Variants in SLITRK3 observed in about 807,000 individuals in gnomAD.
SLITRK3 encodes SLIT and NTRK like family member 3.
In SLITRK3, 16 loss-of-function variants were observed where a neutral mutation model predicts 63.6. The ratio of observed to expected loss-of-function variants is 0.25; its 90% CI spans 0.17 to 0.38. The LOEUF (loss-of-function observed/expected upper bound fraction) is 0.38, where lower values mean the gene tolerates loss of function less well. Among genes scored for constraint, SLITRK3 ranks in the 10% least tolerant of loss-of-function variants. SLITRK3 has a pLI of 1.00. For missense variants in SLITRK3, 1,117 were observed against 1,181.4 expected (o/e 0.95, Z 0.80); for synonymous variants, 547 against 451.6 (o/e 1.21, Z -2.68).
In SLITRK3 at chr3:165,192,995, G is replaced by A. The variant is rs144198901; in HGVS notation, c.-21-2144C>T. ...GCTCCGGCTTTAAAAATATATATGTGCTATAACCCTGAACCCAGCATTCCA... is the reference window on the plus strand; with the variant it reads ...GCTCCGGCTTTAAAAATATATATGTACTATAACCCTGAACCCAGCATTCCA... On this transcript the variant is annotated intron_variant, in intron 1 of 1. Transcript: ENST00000475390. Among the ~76,000 whole-genome samples, 538 of 152,174 alleles carry A rather than the reference G, an allele frequency of 3.5e-3. 8 individuals carry two copies. Among genetic ancestry groups the A allele is most frequent in the African/African-American group, 0.012 (518 of 41,506 alleles).
chr3:165,189,758 G>A lies in SLITRK3; in HGVS notation c.1073C>T (p.Pro358Leu). The change falls in exon 2 of 2, where the codon CCT becomes CTT. Residue 358 changes from proline to leucine, a missense_variant. Around this residue, in one of 4 missense-constraint regions of SLITRK3, gnomAD observed 452 missense variants for 495.3 expected, o/e 0.91. Transcript: ENST00000475390. This position sits in a 1 kb window ranked among gnomAD's most constrained non-coding sequence, Gnocchi z 4.0. The stretch of plus-strand genomic sequence containing the variant: ...TCTGGTCTGATAAGGAGCAATGGGA[G>A]GCTGGTTTGGACCAGGATATAAAGC... ...SQALYPGPNQ[P>L]PIAPYQTRPP... The A allele has an allele frequency of 6.2e-7, 1 of 1,614,192 alleles. No individual in the cohort carries two copies. Among genetic ancestry groups the A allele is most frequent in the Non-Finnish European group, 8.5e-7 (1 of 1,180,046 alleles).
chr3:165,191,950 C>T (rs1718244618), intron 1 of SLITRK3, among the ~76,000 whole-genome samples: 1 of 152,204 alleles, frequency 6.6e-6, no homozygotes, highest in Non-Finnish European at 1.5e-5. Flanking sequence ...AACAGTCTTT[C>T]TCTATGCATC....
intron 1 of SLITRK3, among the ~76,000 whole-genome samples, chr3:165,192,855 G>C (rs1176412475): frequency 1.3e-5 from 2 of 152,128 alleles, no homozygotes; most frequent in Non-Finnish European, 2.9e-5. Context: ...CTGCCGCCGC[G>C]GTGGCTGCTC....
Position 165,188,486 on chromosome 3 carries a change from G to A in SLITRK3, c.2345C>T (p.Thr782Ile). 1 of 1,613,892 alleles carries A rather than the reference G, an allele frequency of 6.2e-7. No individual in the cohort carries two copies. Among genetic ancestry groups the A allele is most frequent in the Non-Finnish European group, 8.5e-7 (1 of 1,179,944 alleles). The change falls in exon 2 of 2, where the codon ACA becomes ATA. Residue 782 changes from threonine to isoleucine, a missense_variant. Thr to Ile is a moderately conservative substitution (Grantham distance 89). Coordinates refer to ENST00000475390, the MANE Select transcript of SLITRK3 (RefSeq NM_001318810.2). ...AGCCTCACCCATTCCCGGTGGTTGT[G>A]TCCCTGGACCCCCACGTTCTGCACT... ...AGSAERGGPG[T>I]QPPGMGEALL...
rs769731505 is a variant in SLITRK3, at chr3:165,188,848, C to A, written c.1983G>T (p.Leu661=). The A allele has an allele frequency of 6.2e-7, 1 of 1,614,146 alleles. No individual in the cohort carries two copies. The highest frequency in any genetic ancestry group is 8.5e-7 in the Non-Finnish European group (1 of 1,180,020). Residue 661 remains leucine, a synonymous_variant, in exon 2 of 2, where the codon CTG becomes CTT. Coordinates refer to ENST00000475390, the MANE Select transcript of SLITRK3 (RefSeq NM_001318810.2). ...CAAAGACTGCTGAGAAAAACAGAAC[C>A]AGCAGGCTGAGAATTAACACAGAAA... ...VPLSVLILSL[L]VLFFSAVFVA... is the part of the protein sequence containing the mutation.
In SLITRK3 at chr3:165,188,133, C is replaced by A; in HGVS notation, c.2698G>T (p.Val900Leu). 23 of 1,613,424 alleles carry A rather than the reference C, an allele frequency of 1.4e-5. No individual in the cohort carries two copies. Among genetic ancestry groups the A allele is most frequent in the Non-Finnish European group, 1.6e-5 (19 of 1,179,772 alleles). The change falls in exon 2 of 2, where the codon GTG becomes TTG. Residue 900 changes from valine to leucine, a missense_variant. Val to Leu is a conservative substitution (Grantham distance 32, BLOSUM62 1). This residue lies in a region of SLITRK3 where 499 missense variants were observed against 463.6 expected (regional missense o/e 1.08). Coordinates refer to ENST00000475390, the MANE Select transcript of SLITRK3 (RefSeq NM_001318810.2). ...PQPAPCTVGF[V>L]DCLYGTVPKL... Reference sequence around the variant, plus strand: ...GGCACTGTTCCATAGAGACAGTCCACAAATCCCACTGTGCAGGGGGCAGGC... The same window carrying A: ...GGCACTGTTCCATAGAGACAGTCCAAAAATCCCACTGTGCAGGGGGCAGGC...
At chr3:165,191,578 G>A (rs1560055374) in intron 1 of SLITRK3, among the ~76,000 whole-genome samples, 1 of 152,086 alleles carries the variant, frequency 6.6e-6, no homozygotes, top group Non-Finnish European at 1.5e-5. Flanking sequence ...GTATATATTT[G>A]TATCATTTGA....
upstream of SLITRK3, chr3:165,196,925 CTCCT>C (rs1234179343): frequency 2.9e-5 from 4 of 136,214 alleles, no homozygotes; most frequent in African/African-American, 1.0e-4. Flanking sequence ...CTCTCTCTCT[CTCCT>C]CTCTCTGTCT....
upstream of SLITRK3, among the ~76,000 whole-genome samples, chr3:165,196,439 G>A (rs1718419265): frequency 6.6e-6 from 1 of 150,454 alleles, no homozygotes; most frequent in South Asian, 2.2e-4. Context: ...GTGCGGGGGA[G>A]GGGGGTGGGA....
rs1717986790 is a variant in SLITRK3 at position 165,187,234 on chromosome 3, G to GTA, written c.*662_*663insTA. 1 of 155,236 alleles carries GTA rather than the reference G, an allele frequency of 6.4e-6. No individual in the cohort carries two copies. Among genetic ancestry groups the GTA allele is most frequent in the Non-Finnish European group, 1.4e-5 (1 of 70,722 alleles). The allele number at this position is 155,236 out of a possible 1,614,324, so 9.6% of individuals were successfully genotyped here. On this transcript the variant is annotated 3_prime_UTR_variant, in exon 2 of 2. Transcript: ENST00000475390. ...GGAGTGTGTGTGTGTGTGTGTGTGTGTGTGTGTGTGTGTGTGTGTACCTGC... is the reference window on the plus strand; with the variant it reads ...GGAGTGTGTGTGTGTGTGTGTGTGTGTATGTGTGTGTGTGTGTGTGTACCTGC...
At position 165,189,235 on chromosome 3, in the gene SLITRK3, G is replaced by T. The variant is rs1246809988; in HGVS notation, c.1596C>A (p.Leu532=). 2.5e-6 allele frequency: 4 copies of T among 1,614,068 alleles called. No homozygotes were observed. In the African/African-American group the frequency reaches 4.0e-5, roughly 16 times the overall value. Residue 532 remains leucine (L), a synonymous_variant, in exon 2 of 2, where the codon CTC becomes CTA. Coordinates refer to ENST00000475390, the MANE Select transcript of SLITRK3 (RefSeq NM_001318810.2). This position sits in a 1 kb window ranked among gnomAD's most constrained non-coding sequence, Gnocchi z 4.0. The part of the protein sequence containing the change: ...DAFAGTSLAR[L]NLRKNYFLYL... ...AGAGGAAGTAGTTCTTCCTCAGGTTGAGCCGGGCCAGGGATGTGCCAGCAA... is the reference window on the plus strand; with the variant it reads ...AGAGGAAGTAGTTCTTCCTCAGGTTTAGCCGGGCCAGGGATGTGCCAGCAA...
Position 165,190,248 on chromosome 3 carries a change from C to G in SLITRK3, c.583G>C (p.Ala195Pro), listed in dbSNP as rs372187907. ...IPMLPTNLFKAVSLTHLDLRG... is the reference protein window; with the variant it reads ...IPMLPTNLFKPVSLTHLDLRG... Reference sequence around the variant, plus strand: ...AGGTCCAAATGGGTTAAAGAGACAGCCTTAAATAAATTGGTTGGAAGCATG... The same window carrying G: ...AGGTCCAAATGGGTTAAAGAGACAGGCTTAAATAAATTGGTTGGAAGCATG... Residue 195 changes from alanine to proline, a missense_variant, in exon 2 of 2, where the codon GCT becomes CCT. Around this residue, in one of 4 missense-constraint regions of SLITRK3, gnomAD observed 452 missense variants for 495.3 expected, o/e 0.91. Transcript: ENST00000475390. 3.7e-6 allele frequency: 6 copies of G among 1,613,990 alleles called. No individual in the cohort carries two copies. Among genetic ancestry groups the G allele is most frequent in the Non-Finnish European group, 5.1e-6 (6 of 1,180,024 alleles).
intron 1 of SLITRK3, 35 bp from the exon 2 acceptor site, chr3:165,190,886 T>C: frequency 6.9e-7 from 1 of 1,459,358 alleles, no homozygotes; most frequent in Non-Finnish European, 9.2e-7. Flanking sequence ...TTTTTAGCTT[T>C]TAGTCATATG....
In SLITRK3 at chr3:165,190,346, T is replaced by C; in HGVS notation, c.485A>G (p.Lys162Arg). 6.2e-7 allele frequency: 1 copy of C among 1,614,152 alleles called. No individual in the cohort carries two copies. The highest frequency in any genetic ancestry group is 8.5e-7 in the Non-Finnish European group (1 of 1,180,022). Residue 162 changes from lysine (K) to arginine (R), a missense_variant, in exon 2 of 2, where the codon AAA becomes AGA. This residue lies in a region of SLITRK3 where 452 missense variants were observed against 495.3 expected (regional missense o/e 0.91). Transcript: ENST00000475390. Reference sequence around the variant, plus strand: ...CCGAAATGCCCCACTCTCAATACGTTTAATGACATTGTAATCTGCCTGCAG... The same window carrying C: ...CCGAAATGCCCCACTCTCAATACGTCTAATGACATTGTAATCTGCCTGCAG... Reference protein sequence around the residue: ...EYLQADYNVIKRIESGAFRNL... With the variant: ...EYLQADYNVIRRIESGAFRNL...
rs1197212095 is a variant in SLITRK3 at position 165,189,526 on chromosome 3, A to G, written c.1305T>C (p.Asp435=). The change falls in exon 2 of 2, where the codon GAT becomes GAC. Residue 435 remains aspartate, a synonymous_variant. Coordinates refer to ENST00000475390, the MANE Select transcript of SLITRK3 (RefSeq NM_001318810.2). This position sits in a 1 kb window ranked among gnomAD's most constrained non-coding sequence, Gnocchi z 4.0. ...RSDFWNFSSL[D]LLHLGNNRIS... ...TACGATTGTTCCCCAGATGCAAGAG[A>G]TCCAAGGAAGAAAAATTCCAAAAAT... is the stretch of plus-strand genomic sequence containing the variant. 1 of 1,613,886 alleles carries G rather than the reference A, an allele frequency of 6.2e-7. No homozygotes were observed. The highest frequency in any genetic ancestry group is 2.2e-5 in the East Asian group (1 of 44,894).
At chr3:165,193,637 A>T (rs1214717694) in intron 1 of SLITRK3, among the ~76,000 whole-genome samples, 1 of 152,074 alleles carries the variant, frequency 6.6e-6, no homozygotes, top group Non-Finnish European at 1.5e-5. Context: ...AGCCTTCGAT[A>T]GCCCCTGGAT....
In SLITRK3 at chr3:165,190,188, C is replaced by T; in HGVS notation, c.643G>A (p.Gly215Arg). The T allele has an allele frequency of 6.2e-7, 1 of 1,614,152 alleles. No homozygotes were observed. Among genetic ancestry groups the T allele is most frequent in the Admixed American group, 1.7e-5 (1 of 60,030 alleles). The change falls in exon 2 of 2, where the codon GGA becomes AGA. Residue 215 changes from glycine (G) to arginine (R), a missense_variant. Physicochemically the swap from Gly to Arg is moderately radical, Grantham distance 125 (BLOSUM62 -2). This residue lies in a region of SLITRK3 where 452 missense variants were observed against 495.3 expected (regional missense o/e 0.91). Transcript: ENST00000475390. ...GNRLKVLFYR[G>R]MLDHIGRSLM... ...CTTCTGCCAATGTGATCTAGCATTC[C>T]TCGGTAAAAAAGAACCTTTAACCTA...
chr3:165,196,897 G>GTCTCCCTCTCTCTCTCTCTCTCTCTC (rs1718450272), upstream of SLITRK3: 2 of 96,474 alleles, frequency 2.1e-5, no homozygotes, highest in Non-Finnish European at 4.1e-5. Context: ...CTCTCTCTCT[G>GTCTCCCTCTCTCTCTCTCTCTCTCTC]TCTCTCTCTC....
chr3:165,192,989 A>G (rs1186209930), intron 1 of SLITRK3, among the ~76,000 whole-genome samples: 6 of 152,086 alleles, frequency 3.9e-5, no homozygotes, highest in Admixed American at 6.5e-5. Flanking sequence ...TTAAAAATAT[A>G]TATGTGCTAT....
Sources: gnomAD v4.1 joint callset for allele counts (sites outside exome capture counted in the v4.1 genomes callset) on GRCh38, gnomAD v4.1.1 for gene constraint, gnomAD v4.1.1 regional missense constraint, Gnocchi (gnomAD v3.1) non-coding constraint, MANE v1.5 for transcripts, NCBI Gene and HGNC (gene_info 2026-07-23, HGNC 2026-07-21) for gene names.